Variants in SCN10A observed in about 807,000 individuals in gnomAD.
SCN10A encodes sodium channel protein type 10 subunit alpha.
Under a neutral mutation model 170.7 loss-of-function variants are expected in SCN10A, and 162 were observed. The observed-to-expected ratio is 0.95, with a 90% CI of 0.84 to 1.08. The LOEUF (loss-of-function observed/expected upper bound fraction) is 1.08, where lower values mean the gene tolerates loss of function less well. SCN10A is among the 50% of genes least tolerant of loss of function. The pLI is 0.00. For synonymous variants in SCN10A, 985 were observed against 904.6 expected (o/e 1.09, Z -1.59); for missense variants, 2,527 against 2,436.9 (o/e 1.04, Z -0.78).
chr3:38,761,172 A>AT lies in SCN10A; in HGVS notation c.883+19dup. 6.4e-7 allele frequency: 1 copy of AT among 1,564,128 alleles called. No homozygotes were observed. Among genetic ancestry groups the AT allele is most frequent in the Non-Finnish European group, 8.8e-7 (1 of 1,142,440 alleles). On this transcript the variant is annotated intron_variant, in intron 7 of 27. Transcript: ENST00000449082. Reference sequence around the variant, plus strand: ...AGGGTCCAACCAGACCTTGGTCCCTATGGAAGAGACTCCACTCACGTTTTC... The same window carrying AT: ...AGGGTCCAACCAGACCTTGGTCCCTATTGGAAGAGACTCCACTCACGTTTTC...
chr3:38,815,557 T>C (rs902478372), intron 1 of SCN10A, among the ~76,000 whole-genome samples: 1 of 152,218 alleles, frequency 6.6e-6, no homozygotes, highest in Non-Finnish European at 1.5e-5. Context: ...CAAAACGTCT[T>C]GCTGAAGCTG....
Position 38,722,277 on chromosome 3 carries a change from A to G in SCN10A, c.3488T>C (p.Leu1163Pro). 1.2e-6 allele frequency: 2 copies of G among 1,614,090 alleles called. No individual in the cohort carries two copies. Among genetic ancestry groups the G allele is most frequent in the Non-Finnish European group, 8.5e-7 (1 of 1,179,966 alleles). The part of the protein sequence containing the change: ...WFESFIIFMI[L>P]LSSGSLAFED... ...CCTTACCAGAGATCCACTGCTGAGC[A>G]GGATCATGAAGATGATGAAGCTCTC... The change falls in exon 20 of 28, where the codon CTG (leucine) becomes CCG (proline). Residue 1163 changes from leucine to proline, a missense_variant. Leu to Pro is a moderately conservative substitution (Grantham distance 98). Coordinates refer to ENST00000449082, the MANE Select transcript of SCN10A (RefSeq NM_006514.4).
rs2063797591 is a variant in SCN10A at position 38,755,823 on chromosome 3, A to G, written c.1426T>C (p.Ser476Pro). ...VSEGSTEDNK[S>P]PRSDPYNQRR... Reference sequence around the variant, plus strand: ...TGGTTGTAAGGATCAGAGCGGGGTGATTTGTTGTCTTCTGTGGAGCCCTCT... The same window carrying G: ...TGGTTGTAAGGATCAGAGCGGGGTGGTTTGTTGTCTTCTGTGGAGCCCTCT... Residue 476 changes from serine to proline, a missense_variant, in exon 11 of 28, where the codon TCA becomes CCA. Ser to Pro is a moderately conservative substitution (Grantham distance 74). Coordinates refer to ENST00000449082, the MANE Select transcript of SCN10A (RefSeq NM_006514.4). 6.2e-7 allele frequency: 1 copy of G among 1,613,750 alleles called. No individual in the cohort carries two copies. The highest frequency in any genetic ancestry group is 1.3e-5 in the African/African-American group (1 of 74,852).
At position 38,735,183 on chromosome 3, in the gene SCN10A, A is replaced by G. The variant is rs6763282; in HGVS notation, c.2280+4332T>C. On this transcript the variant is annotated intron_variant, in intron 15 of 27. Coordinates refer to ENST00000449082, the MANE Select transcript of SCN10A (RefSeq NM_006514.4). Reference sequence around the variant, plus strand: ...AGACTCTGTCTCAAAAAAAAAAAAAAAAAAAAGAAAGAAAAGAAGAAATTA... The same window carrying G: ...AGACTCTGTCTCAAAAAAAAAAAAAGAAAAAAGAAAGAAAAGAAGAAATTA... Among the ~76,000 whole-genome samples, 1,359 of 151,456 alleles carry G rather than the reference A, an allele frequency of 9.0e-3. 27 individuals are homozygous for G. The highest frequency in any genetic ancestry group is 0.031 in the African/African-American group (1,296 of 41,294).
intron 3 of SCN10A, among the ~76,000 whole-genome samples, 180 bp downstream of exon 3, chr3:38,791,870 G>A (rs947674055): frequency 6.6e-6 from 1 of 152,108 alleles, no homozygotes; most frequent in Non-Finnish European, 1.5e-5. Context: ...TGTGTCTTGG[G>A]ACTGCTTTGG....
intron 6 of SCN10A, among the ~76,000 whole-genome samples, chr3:38,762,841 G>T (rs1480288650): frequency 4.6e-5 from 7 of 152,154 alleles, no homozygotes; most frequent in African/African-American, 1.7e-4. Context: ...GGGGTGAGAG[G>T]AGAGAACCTA....
Position 38,699,072 on chromosome 3 carries a change from C to T in SCN10A, c.4658-510G>A, listed in dbSNP as rs138477203. 1.3e-4 allele frequency among the ~76,000 whole-genome samples: 20 copies of T among 152,214 alleles called. No individual in the cohort carries two copies. The East Asian group carries it at 3.1e-3, about 24-fold the overall frequency. On this transcript the variant is annotated intron_variant, in intron 27 of 27. Coordinates refer to ENST00000449082, the MANE Select transcript of SCN10A (RefSeq NM_006514.4). The stretch of plus-strand genomic sequence containing the variant: ...GAAGATTGACTCTGTTTCTGGCACC[C>T]GGTCCTGTGGCTAATTGTACGGAGC...
intron 26 of SCN10A, among the ~76,000 whole-genome samples, chr3:38,705,011 G>A (rs925615386): frequency 3.4e-4 from 51 of 152,220 alleles, no homozygotes; most frequent in Non-Finnish European, 2.1e-4. Flanking sequence ...AGATGATCCG[G>A]CTTGTGCCAC....
chr3:38,714,208 T>C lies in SCN10A; in HGVS notation c.3682-128A>G, dbSNP rs571586522. On this transcript the variant is annotated intron_variant, in intron 21 of 27. Coordinates refer to ENST00000449082, the MANE Select transcript of SCN10A (RefSeq NM_006514.4). ...CTAAGCCATCATCCTAGCTCCCACC[T>C]TATTCGGAACTCCAATGAGAGGTCT... 11 of 1,133,050 alleles carry C rather than the reference T, an allele frequency of 9.7e-6. No individual in the cohort carries two copies. The East Asian group carries it at 2.7e-4, about 27-fold the overall frequency. 70.2% of individuals were successfully genotyped at this position (1,133,050 alleles called of 1,614,324 possible). A position where few individuals can be genotyped will look rare whatever the true frequency, so the allele number is the denominator to read the frequency against.
In SCN10A at chr3:38,803,551, C is replaced by CA. The variant is rs1458076878; in HGVS notation, c.-32-9510dup. Reference sequence around the variant, plus strand: ...CATTCTCAGCAAACTATCGCAAGGACAAAAAACCAAACACTGCATGTTCTC... The same window carrying CA: ...CATTCTCAGCAAACTATCGCAAGGACAAAAAAACCAAACACTGCATGTTCTC... On this transcript the variant is annotated intron_variant, in intron 1 of 27. Transcript: ENST00000449082. 6.0e-5 allele frequency among the ~76,000 whole-genome samples: 9 copies of CA among 149,128 alleles called. No homozygotes were observed. In the South Asian group the frequency reaches 8.5e-4, roughly 14 times the overall value.
chr3:38,708,340 G>A (rs1033413775), intron 25 of SCN10A, among the ~76,000 whole-genome samples: 3 of 152,116 alleles, frequency 2.0e-5, no homozygotes, highest in African/African-American at 2.4e-5. Flanking sequence ...ATCTCCTTCC[G>A]TTACCTAATA....
chr3:38,699,895 GT>G (rs961577242), intron 27 of SCN10A, among the ~76,000 whole-genome samples: 32 of 152,092 alleles, frequency 2.1e-4, no homozygotes, highest in Admixed American at 5.2e-4. Context: ...TGATATGTGG[GT>G]TTTTTCTGCT....
chr3:38,776,895 C>T (rs547072501), intron 4 of SCN10A, among the ~76,000 whole-genome samples: 1 of 152,080 alleles, frequency 6.6e-6, no homozygotes, highest in South Asian at 2.1e-4. Context: ...ACTAACAAAC[C>T]TGTTAGTTTA....
intron 1 of SCN10A, among the ~76,000 whole-genome samples, chr3:38,813,569 C>T (rs1029916694): frequency 6.6e-6 from 1 of 152,186 alleles, no homozygotes; most frequent in Admixed American, 6.5e-5. Context: ...CGGACCCTAA[C>T]CAAGGTCCAG....
rs569447854 is a variant in SCN10A, at chr3:38,813,032, C to CAAATAAAT, written c.-33+2997_-33+3004dup. Among the ~76,000 whole-genome samples the CAAATAAAT allele has an allele frequency of 2.9e-3, 438 of 152,110 alleles. 2 individuals carry two copies. Among genetic ancestry groups the CAAATAAAT allele is most frequent in the South Asian group, 0.012 (59 of 4,802 alleles). On this transcript the variant is annotated intron_variant, in intron 1 of 27. Coordinates refer to ENST00000449082, the MANE Select transcript of SCN10A (RefSeq NM_006514.4). The stretch of plus-strand genomic sequence containing the variant: ...TGGGTGTTGGAGTGAGACCCTGTCT[C>CAAATAAAT]AAATAAATAAATAAATAAATAAGTC...
intron 4 of SCN10A, among the ~76,000 whole-genome samples, chr3:38,772,890 T>C (rs961821520): frequency 3.3e-5 from 5 of 152,046 alleles, no homozygotes; most frequent in African/African-American, 1.2e-4. Context: ...AAAACACTAA[T>C]AGGCGGACTT....
intron 21 of SCN10A, among the ~76,000 whole-genome samples, chr3:38,716,057 A>G (rs550515527): frequency 5.9e-5 from 9 of 152,322 alleles, no homozygotes; most frequent in Non-Finnish European, 1.2e-4. Context: ...TTAATGTATA[A>G]CATGAATACT....
intron 15 of SCN10A, among the ~76,000 whole-genome samples, chr3:38,738,699 T>C (rs62242446): frequency 0.064 from 9,787 of 152,260 alleles, 388 homozygotes; most frequent in East Asian, 0.1. Flanking sequence ...CTCTTTCCTA[T>C]TCCCAAGAGT....
intron 1 of SCN10A, among the ~76,000 whole-genome samples, chr3:38,798,239 G>A (rs1446897296): frequency 6.6e-6 from 1 of 152,134 alleles, no homozygotes; most frequent in Non-Finnish European, 1.5e-5. Flanking sequence ...TCACTGAGGG[G>A]TAAGGATACT....
Sources: gnomAD v4.1 joint callset for allele counts (sites outside exome capture counted in the v4.1 genomes callset) on GRCh38, gnomAD v4.1.1 for gene constraint, MANE v1.5 for transcripts, NCBI Gene and HGNC (gene_info 2026-07-23, HGNC 2026-07-21) for gene names.